Variants in HERC2 observed in about 807,000 individuals in gnomAD.
HERC2 encodes E3 ubiquitin-protein ligase HERC2.
HERC2 carries 102 observed loss-of-function variants against 537.7 expected under a neutral mutation model. The ratio of observed to expected loss-of-function variants is 0.19; its 90% CI spans 0.16 to 0.22. The LOEUF (loss-of-function observed/expected upper bound fraction) is 0.22, where lower values mean the gene tolerates loss of function less well. HERC2 is among the 10% of genes least tolerant of loss of function. The probability of loss-of-function intolerance (pLI) is 1.00; values close to 1 mark genes in which losing one functional copy is unlikely to be tolerated. For synonymous variants in HERC2, 2,224 were observed against 2,466.2 expected (o/e 0.90, Z 2.91); for missense variants, 4,236 against 6,198.2 (o/e 0.68, Z 10.63).
chr15:28,181,346 G>A (rs918800300), intron 57 of HERC2, among the ~76,000 whole-genome samples: 3 of 152,142 alleles, frequency 2.0e-5, no homozygotes, highest in South Asian at 2.1e-4. Context: ...CTGCATTCCC[G>A]CAGCTGAGAC....
At chr15:28,204,874 C>G (rs1378530497) in intron 45 of HERC2, among the ~76,000 whole-genome samples, 1 of 152,152 alleles carries the variant, frequency 6.6e-6, no homozygotes, top group African/African-American at 2.4e-5. Flanking sequence ...AACTCACTAA[C>G]AGTGTAACAG....
At chr15:28,273,258 T>C (rs2075788305) in intron 7 of HERC2, 1 of 540,706 alleles carries the variant, frequency 1.8e-6, no homozygotes, top group Non-Finnish European at 3.3e-6. Context: ...TCCATGTATA[T>C]GAAGCATAAA....
At chr15:28,283,056 A>C (rs1187862191) in intron 4 of HERC2, among the ~76,000 whole-genome samples, 3 of 148,968 alleles carry the variant, frequency 2.0e-5, no homozygotes, top group South Asian at 2.1e-4. Flanking sequence ...AAAAAAAAAA[A>C]AAACCAGTCT....
chr15:28,284,670 C>A (rs1176327727), intron 4 of HERC2, among the ~76,000 whole-genome samples: 1 of 151,982 alleles, frequency 6.6e-6, no homozygotes, highest in East Asian at 1.9e-4. Flanking sequence ...CGCCTGTAAT[C>A]CTAGCACTTT....
At position 28,265,822 on chromosome 15, in the gene HERC2, C is replaced by T. The variant is rs1423987739; in HGVS notation, c.1751G>A (p.Gly584Asp). The part of the protein sequence containing the change: ...TWGRGNYGRL[G>D]HGSSEDEAIP... ...CTCATGCAGAGCAGACGTACCATGG[C>T]CCAGCCGGCCGTAGTTCCCGCGGCC... Residue 584 changes from glycine (G) to aspartate (D), a missense_variant, in exon 13 of 93, where the codon GGC (glycine) becomes GAC (aspartate). Transcript: ENST00000261609. The surrounding 1 kb of genome is among the most constrained non-coding windows in gnomAD (Gnocchi z 4.0). 2 of 1,614,168 alleles carry T rather than the reference C, an allele frequency of 1.2e-6. No homozygotes were observed. Among genetic ancestry groups the T allele is most frequent in the Non-Finnish European group, 1.7e-6 (2 of 1,180,018 alleles).
At position 28,121,330 on chromosome 15, in the gene HERC2, A is replaced by C. The variant is rs763484516; in HGVS notation, c.13272+16T>G. 1.2e-6 allele frequency: 2 copies of C among 1,609,742 alleles called. No homozygotes were observed. The highest frequency in any genetic ancestry group is 1.7e-6 in the Non-Finnish European group (2 of 1,175,952). On this transcript the variant is annotated intron_variant, in intron 86 of 92. Transcript: ENST00000261609. ...TCTAAGGCTGTCAGACTTGGAGAGTAATCTCCATGTGCTACCTGGATGCGG... is the reference window on the plus strand; with the variant it reads ...TCTAAGGCTGTCAGACTTGGAGAGTCATCTCCATGTGCTACCTGGATGCGG...
chr15:28,310,426 T>C (rs555257787), intron 2 of HERC2, among the ~76,000 whole-genome samples: 29 of 151,980 alleles, frequency 1.9e-4, no homozygotes, highest in Admixed American at 9.2e-4. Context: ...GCCTGGGCAA[T>C]AGAGCAAGAC....
At chr15:28,245,534 A>G (rs1389646790) in intron 23 of HERC2, among the ~76,000 whole-genome samples, 1 of 148,166 alleles carries the variant, frequency 6.7e-6, no homozygotes, top group African/African-American at 2.5e-5. Context: ...GCAACAGAGC[A>G]AGATGTAGTG....
At chr15:28,133,236 T>C (rs957916546) in intron 79 of HERC2, among the ~76,000 whole-genome samples, 5 of 152,164 alleles carry the variant, frequency 3.3e-5, no homozygotes, top group African/African-American at 1.2e-4. Context: ...GAATTAACAA[T>C]TCATTTAAGG....
Position 28,125,012 on chromosome 15 carries a change from AG to A in HERC2, c.12983del (p.Pro4328LeufsTer19), listed in dbSNP as rs1422544217. ...TSKPASAGKL[P>X]AQVPMEYNHL... ...CCAACCTGCCCGGACTCACCTGTGC[AG>A]GGAGTTTGCCAGCACTGGCGGGCTT... On this transcript the variant is annotated frameshift_variant, in exon 84 of 93. Coordinates refer to ENST00000261609, the MANE Select transcript of HERC2 (RefSeq NM_004667.6). LOFTEE classifies it high-confidence loss of function. The A allele has an allele frequency of 6.3e-7, 1 of 1,599,960 alleles. No individual in the cohort carries two copies. The highest frequency in any genetic ancestry group is 8.6e-7 in the Non-Finnish European group (1 of 1,168,152).
intron 69 of HERC2, among the ~76,000 whole-genome samples, chr15:28,161,158 C>T (rs953822252): frequency 2.2e-4 from 34 of 152,270 alleles, no homozygotes; most frequent in Middle Eastern, 3.4e-3. Context: ...AGTACTTTAT[C>T]GTTTTGGTGA....
At chr15:28,227,169 G>C (rs919280140) in intron 35 of HERC2, among the ~76,000 whole-genome samples, 1 of 152,160 alleles carries the variant, frequency 6.6e-6, no homozygotes, top group Admixed American at 6.5e-5. Context: ...CAGCTACTCG[G>C]GAGGCTGAGG....
rs753880834 is a variant in HERC2, at chr15:28,135,578, C to G, written c.12130G>C (p.Val4044Leu). 4.3e-5 allele frequency: 70 copies of G among 1,614,092 alleles called. No individual in the cohort carries two copies. The highest frequency in any genetic ancestry group is 5.9e-5 in the Non-Finnish European group (70 of 1,180,022). Reference protein sequence around the residue: ...IQHVFIKKVAVNSGGKHCLAL... With the variant: ...IQHVFIKKVALNSGGKHCLAL... ...AGGCAGTGCTTTCCTCCAGAGTTCA[C>G]AGCTACTTTCTTAATAAACACATGC... The change falls in exon 79 of 93, where the codon GTG becomes CTG. Residue 4044 changes from valine to leucine, a missense_variant. By Grantham distance (32) the Val-to-Leu change is conservative (BLOSUM62 1). Around this residue, in one of 27 missense-constraint regions of HERC2, gnomAD observed 43 missense variants for 82.6 expected, o/e 0.52. Transcript: ENST00000261609.
intron 53 of HERC2, 89 bp from the exon 54 acceptor site, chr15:28,191,333 A>G (rs1295642137): frequency 1.3e-6 from 1 of 790,366 alleles, no homozygotes; most frequent in Non-Finnish European, 2.1e-6. Flanking sequence ...GCTTGAATCT[A>G]CATGAGATTT....
chr15:28,124,616 G>C (rs903900851), intron 84 of HERC2, among the ~76,000 whole-genome samples: 2 of 152,188 alleles, frequency 1.3e-5, no homozygotes, highest in African/African-American at 4.8e-5. Context: ...TAAGAGGGCA[G>C]TGGTGCAATC....
chr15:28,237,342 G>A (rs1159003616), intron 25 of HERC2, among the ~76,000 whole-genome samples: 1 of 152,202 alleles, frequency 6.6e-6, no homozygotes, highest in African/African-American at 2.4e-5. Context: ...CAGCCCTACT[G>A]TAGAAAAACT....
At position 28,280,293 on chromosome 15, in the gene HERC2, A is replaced by G. The variant is rs1431586571; in HGVS notation, c.323-6T>C. 1.3e-5 allele frequency: 20 copies of G among 1,598,944 alleles called. No individual in the cohort carries two copies. In the Middle Eastern group the frequency reaches 5.2e-4, roughly 41 times the overall value. On this transcript the variant is annotated splice_polypyrimidine_tract_variant and splice_region_variant and intron_variant, in intron 4 of 92. Transcript: ENST00000261609. ...CTCCTTCAGTTCATTCACATCTAGA[A>G]AATAAGACAAGAAAACATCTCACCT...
chr15:28,158,375 C>T (rs537365709), intron 69 of HERC2, among the ~76,000 whole-genome samples: 1 of 152,264 alleles, frequency 6.6e-6, no homozygotes, highest in Non-Finnish European at 1.5e-5. Context: ...GAGTCGAAGT[C>T]TCTTTGTGGG....
Position 28,141,586 on chromosome 15 carries a change from A to G in HERC2, c.11861T>C (p.Ile3954Thr), listed in dbSNP as rs770062499. The G allele has an allele frequency of 1.2e-5, 19 of 1,614,136 alleles. No homozygotes were observed. The highest frequency in any genetic ancestry group is 1.6e-5 in the Non-Finnish European group (19 of 1,180,034). Residue 3954 changes from isoleucine (I) to threonine (T), a missense_variant, in exon 78 of 93, where the codon ATT (isoleucine) becomes ACT (threonine). Transcript: ENST00000261609. ...WTLSAGGSGT[I>T]YGWGHNHRGQ... ...CCTGTGATTATGTCCCCATCCATAA[A>G]TTGTTCCACTGCCACCAGCAGAGAG...
Sources: gnomAD v4.1 joint callset for allele counts (sites outside exome capture counted in the v4.1 genomes callset) on GRCh38, gnomAD v4.1.1 for gene constraint, gnomAD v4.1.1 regional missense constraint, Gnocchi (gnomAD v3.1) non-coding constraint, MANE v1.5 for transcripts, NCBI Gene and HGNC (gene_info 2026-07-23, HGNC 2026-07-21) for gene names.